Variants in RBFA observed in about 807,000 individuals in gnomAD.
RBFA encodes the protein ribosome binding factor A.
Under a neutral mutation model 27.9 loss-of-function variants are expected in RBFA, and 16 were observed. The ratio of observed to expected loss-of-function variants is 0.57; its 90% CI spans 0.39 to 0.87. RBFA has a LOEUF of 0.87. Among genes scored for constraint, RBFA ranks in the 40% least tolerant of loss-of-function variants. The pLI is 0.00. For missense variants in RBFA, 456 were observed against 432.1 expected (o/e 1.06, Z -0.49); for synonymous variants, 181 against 181.0 (o/e 1.00, Z 0.00).
chr18:80,045,637 T>C, intron 6 of RBFA, 137 bp from the exon 7 acceptor site: 4 of 1,014,386 alleles, frequency 3.9e-6, no homozygotes, highest in Non-Finnish European at 4.0e-6. Flanking sequence ...TGTCTCCAGT[T>C]ACCCTCAGAT....
chr18:80,045,813 GACC>G lies in RBFA; in HGVS notation c.693_695del (p.Thr232del). 6.6e-7 allele frequency: 1 copy of G among 1,525,396 alleles called. No homozygotes were observed. The allele number at this position is 1,525,396 out of a possible 1,614,324, so 94.5% of individuals were successfully genotyped here. On this transcript the variant is annotated inframe_deletion, in exon 7 of 7. Transcript: ENST00000306735. ...CACAACCCTGCGGCACCACAGAGCCGACCACAAGCTCCAGTCTGTGTGGGATCG... is the reference window on the plus strand; with the variant it reads ...CACAACCCTGCGGCACCACAGAGCCGACAAGCTCCAGTCTGTGTGGGATCG...
intron 4 of RBFA, among the ~76,000 whole-genome samples, chr18:80,039,310 C>T (rs567086409): frequency 3.9e-5 from 6 of 152,260 alleles, no homozygotes; most frequent in African/African-American, 9.6e-5. Context: ...GCCTGGGCAA[C>T]GGAGCAAGAC....
At chr18:80,042,608 A>G (rs577868133) in intron 5 of RBFA, among the ~76,000 whole-genome samples, 14 of 152,040 alleles carry the variant, frequency 9.2e-5, no homozygotes, top group Admixed American at 6.5e-4. Flanking sequence ...GTCTCTACTA[A>G]AAATACAAAA....
chr18:80,039,827 AGT>A (rs2052005093), intron 4 of RBFA, among the ~76,000 whole-genome samples: 1 of 152,248 alleles, frequency 6.6e-6, no homozygotes, highest in Non-Finnish European at 1.5e-5. Context: ...ATCAATTCAA[AGT>A]GTGAGCCAGA....
intron 1 of RBFA, 149 bp downstream of exon 1, chr18:80,034,802 C>A: frequency 1.1e-6 from 1 of 889,434 alleles, no homozygotes; most frequent in Non-Finnish European, 1.6e-6. Context: ...TTCTAGCTCT[C>A]ACTGTCAGCA....
chr18:80,041,190 G>A (rs528439358), intron 4 of RBFA: 50 of 152,176 alleles, frequency 3.3e-4, no homozygotes, highest in Non-Finnish European at 6.0e-4. Flanking sequence ...TTTAACAAAA[G>A]CAAGAAAATG....
At position 80,038,537 on chromosome 18, in the gene RBFA, A is replaced by G; in HGVS notation, c.411A>G (p.Arg137=). The G allele has an allele frequency of 5.6e-6, 9 of 1,613,862 alleles. No individual in the cohort carries two copies. Among genetic ancestry groups the G allele is most frequent in the Non-Finnish European group, 7.6e-6 (9 of 1,179,814 alleles). Residue 137 remains arginine, a synonymous_variant, in exon 4 of 7, where the codon CGA becomes CGG. Transcript: ENST00000306735. ...TGACTCCAGACTTCTCAGCCTGCCG[A>G]GCGTACTGGAAGACAACGCTCTCTG... ...VSLTPDFSAC[R]AYWKTTLSAE...
In RBFA at chr18:80,037,492, G is replaced by C. The variant is rs748338; in HGVS notation, c.364G>C (p.Val122Leu). The change falls in exon 3 of 7, where the codon GTG becomes CTG. Residue 122 changes from valine (V) to leucine (L), a missense_variant. Physicochemically the swap from Val to Leu is conservative, Grantham distance 32. Coordinates refer to ENST00000306735, the MANE Select transcript of RBFA (RefSeq NM_024805.3). ...EVSQELYDLN[V>L]ELSKVSLTPD... is the part of the protein sequence containing the mutation. ...GAGTCAGGAGCTGTATGACCTTAAC[G>C]TGGAGCTCTCCAAGGTAGGCTGTGT... The C allele has an allele frequency of 6.2e-7, 1 of 1,612,238 alleles. No individual in the cohort carries two copies. Among genetic ancestry groups the C allele is most frequent in the Admixed American group, 1.7e-5 (1 of 59,970 alleles).
intron 5 of RBFA, 69 bp from the exon 6 acceptor site, chr18:80,044,143 G>A (rs1473409801): frequency 1.4e-5 from 19 of 1,314,074 alleles, no homozygotes; most frequent in Middle Eastern, 1.9e-4. Flanking sequence ...CTGGTGTTAC[G>A]TGGAGCCCGG....
Position 80,034,596 on chromosome 18 carries a change from T to G in RBFA, c.101T>G (p.Leu34Arg). 1 of 1,609,954 alleles carries G rather than the reference T, an allele frequency of 6.2e-7. No individual in the cohort carries two copies. Among genetic ancestry groups the G allele is most frequent in the Non-Finnish European group, 8.5e-7 (1 of 1,179,126 alleles). Residue 34 changes from leucine to arginine, a missense_variant, in exon 1 of 7, where the codon CTT becomes CGT. Physicochemically the swap from Leu to Arg is moderately radical, Grantham distance 102. Transcript: ENST00000306735. ...AALFPGCERGLHCSAVSCKNW... is the reference protein window; with the variant it reads ...AALFPGCERGRHCSAVSCKNW... ...CTATTTCCAGGCTGCGAGCGGGGAC[T>G]TCACTGCTCTGCTGTCTCCTGCAAG... is the stretch of plus-strand genomic sequence containing the variant.
At position 80,046,266 on chromosome 18, in the gene RBFA, C is replaced by A; in HGVS notation, c.*111C>A. 2 of 1,229,704 alleles carry A rather than the reference C, an allele frequency of 1.6e-6. No individual in the cohort carries two copies. Among genetic ancestry groups the A allele is most frequent in the Non-Finnish European group, 2.2e-6 (2 of 895,962 alleles). 76.2% of individuals were successfully genotyped at this position (1,229,704 alleles called of 1,614,324 possible). A position where few individuals can be genotyped will look rare whatever the true frequency, so the allele number is the denominator to read the frequency against. ...AGTTAAACCATCTGCTCTTCTGCTACTTCAACATTTTCTAGCTTTTCCGTG... is the reference window on the plus strand; with the variant it reads ...AGTTAAACCATCTGCTCTTCTGCTAATTCAACATTTTCTAGCTTTTCCGTG... On this transcript the variant is annotated 3_prime_UTR_variant, in exon 7 of 7. Transcript: ENST00000306735.
In RBFA at chr18:80,040,265, T is replaced by G. The variant is rs1214665897; in HGVS notation, c.491+1648T>G. On this transcript the variant is annotated intron_variant, in intron 4 of 6. Transcript: ENST00000306735. ...TTTTTTTTTTTTTTTTTTTGCTTTT[T>G]TTGAGACAGGATCTCATTCTGTCTC... is the stretch of plus-strand genomic sequence containing the variant. Among the ~76,000 whole-genome samples, 26 of 134,514 alleles carry G rather than the reference T, an allele frequency of 1.9e-4. 1 individual carries two copies. Among genetic ancestry groups the G allele is most frequent in the Non-Finnish European group, 5.2e-5 (3 of 58,214 alleles). The allele number at this position is 134,514 out of a possible 152,430, so 88.2% of individuals were successfully genotyped here.
chr18:80,036,103 A>G (rs1414214349), intron 1 of RBFA: 9 of 152,282 alleles, frequency 5.9e-5, no homozygotes, highest in Admixed American at 5.9e-4. Flanking sequence ...CTTTTGGGCC[A>G]TCTCATCTGA....
intron 1 of RBFA, among the ~76,000 whole-genome samples, chr18:80,036,238 T>C (rs2051978066): frequency 6.6e-6 from 1 of 152,182 alleles, no homozygotes; most frequent in Admixed American, 6.5e-5. Context: ...CTCTCCTTGC[T>C]GATCTGTAAG....
intron 1 of RBFA, chr18:80,035,288 C>G (rs1339009603): frequency 1.3e-5 from 2 of 152,542 alleles, no homozygotes; most frequent in Middle Eastern, 3.4e-3. Context: ...GAAGCTCATA[C>G]TTTATTCACT....
chr18:80,044,378 C>G, intron 6 of RBFA, 93 bp downstream of exon 6: 1 of 1,111,594 alleles, frequency 9.0e-7, no homozygotes. Flanking sequence ...CGCCACATCC[C>G]GAGTAGCCTG....
chr18:80,034,786 C>A, intron 1 of RBFA, 133 bp downstream of exon 1: 1 of 1,118,762 alleles, frequency 8.9e-7, no homozygotes, highest in Non-Finnish European at 1.3e-6. Context: ...CTGGGGTCTG[C>A]AGCAGTTCTA....
intron 3 of RBFA, 85 bp downstream of exon 3, chr18:80,037,591 T>TA (rs2051989175): frequency 7.6e-6 from 10 of 1,315,326 alleles, no homozygotes; most frequent in Admixed American, 2.2e-5. Context: ...GCCTGACAAT[T>TA]AAAAAAAGAC....
intron 4 of RBFA, among the ~76,000 whole-genome samples, chr18:80,039,504 G>T (rs1037200974): frequency 6.6e-6 from 1 of 152,176 alleles, no homozygotes; most frequent in African/African-American, 2.4e-5. Context: ...TTAGGTTTGG[G>T]TGTTTGGCAG....
Sources: gnomAD v4.1 joint callset for allele counts (sites outside exome capture counted in the v4.1 genomes callset) on GRCh38, gnomAD v4.1.1 for gene constraint, MANE v1.5 for transcripts, NCBI Gene and HGNC (gene_info 2026-07-23, HGNC 2026-07-21) for gene names.